ONECUT3: variants seen among roughly 807,000 people sequenced by gnomAD.
ONECUT3 encodes one cut homeobox 3.
In ONECUT3, 11 loss-of-function variants were observed where a neutral mutation model predicts 16.8. The observed-to-expected ratio is 0.66, with a 90% CI of 0.41 to 1.09. The LOEUF is 1.09. ONECUT3 is among the 50% of genes least tolerant of loss of function. The pLI is 0.00. For synonymous variants in ONECUT3, 344 were observed against 310.7 expected, an observed-to-expected ratio of 1.11 and a Z score of -1.13; for missense variants, 637 against 629.9, an observed-to-expected ratio of 1.01 and a Z score of -0.12.
chr19:1,775,039 T>G (rs567852279), intron 1 of ONECUT3, 114 bp from the exon 2 acceptor site: 1 of 637,018 alleles, frequency 1.6e-6, no homozygotes, highest in African/African-American at 1.9e-5. Context: ...CCCCAACGTG[T>G]CCCTTCTCCC....
At chr19:1,763,731 TG>T (rs1208522368) in intron 1 of ONECUT3, among the ~76,000 whole-genome samples, 3 of 117,836 alleles carry the variant, frequency 2.5e-5, no homozygotes, top group South Asian at 2.4e-4. Flanking sequence ...TTCCCTTTTT[TG>T]TTTTTTTTTT....
At chr19:1,770,781 T>C (rs2068047385) in intron 1 of ONECUT3, among the ~76,000 whole-genome samples, 1 of 152,172 alleles carries the variant, frequency 6.6e-6, no homozygotes, top group Admixed American at 6.5e-5. Flanking sequence ...TTTTTTGCAT[T>C]TCCTTCCATG....
At position 1,754,206 on chromosome 19, in the gene ONECUT3, G is replaced by C. The variant is rs1600336382; in HGVS notation, c.544G>C (p.Gly182Arg). ...RDERAALASVGHLYGPYGKEL... is the reference protein window; with the variant it reads ...RDERAALASVRHLYGPYGKEL... Reference sequence around the variant, plus strand: ...CGAGCGGGCGGCGCTCGCCTCCGTGGGCCACCTCTACGGACCCTACGGCAA... The same window carrying C: ...CGAGCGGGCGGCGCTCGCCTCCGTGCGCCACCTCTACGGACCCTACGGCAA... The change falls in exon 1 of 2, where the codon GGC becomes CGC. Residue 182 changes from glycine to arginine, a missense_variant. Coordinates refer to ENST00000382349, the MANE Select transcript of ONECUT3 (RefSeq NM_001080488.2). The surrounding 1 kb of genome is among the most constrained non-coding windows in gnomAD (Gnocchi z 7.4). The C allele has an allele frequency of 8.6e-7, 1 of 1,168,356 alleles. No homozygotes were observed. 72.4% of individuals were successfully genotyped at this position (1,168,356 alleles called of 1,614,324 possible).
At chr19:1,763,665 A>G (rs1280184711) in intron 1 of ONECUT3, among the ~76,000 whole-genome samples, 1 of 151,604 alleles carries the variant, frequency 6.6e-6, no homozygotes, top group Non-Finnish European at 1.5e-5. Context: ...TGCAAATCAC[A>G]GTCTGTATTT....
rs74534061 is a variant in ONECUT3, at chr19:1,755,697, C to G, written c.1192+843C>G. ...TATCTCTATGTTTTTCTCTTGCTCT[C>G]CGTTTTGCTCTTGTTCCTGCTCATT... is the stretch of plus-strand genomic sequence containing the variant. On this transcript the variant is annotated intron_variant, in intron 1 of 1. Coordinates refer to ENST00000382349, the MANE Select transcript of ONECUT3 (RefSeq NM_001080488.2). This position sits in a 1 kb window ranked among gnomAD's most constrained non-coding sequence, Gnocchi z 7.5. Among the ~76,000 whole-genome samples, 2 of 152,228 alleles carry G rather than the reference C, an allele frequency of 1.3e-5. No individual in the cohort carries two copies. Among genetic ancestry groups the G allele is most frequent in the Admixed American group, 6.5e-5 (1 of 15,288 alleles).
In ONECUT3 at chr19:1,775,570, G is replaced by GC. The variant is rs1568604064; in HGVS notation, c.*131dup. On this transcript the variant is annotated 3_prime_UTR_variant, in exon 2 of 2. Transcript: ENST00000382349. ...GGCACCTGGAGGGGGTGCTATCCGG[G>GC]CCCCCCACACCCGGGGAGGGGGAAG... The GC allele has an allele frequency of 1.0e-6, 1 of 961,508 alleles. No individual in the cohort carries two copies. Among genetic ancestry groups the GC allele is most frequent in the South Asian group, 1.9e-5 (1 of 52,566 alleles). The allele number at this position is 961,508 out of a possible 1,614,324, so 59.6% of individuals were successfully genotyped here.
chr19:1,774,014 G>A (rs1441580911), intron 1 of ONECUT3, among the ~76,000 whole-genome samples: 1 of 152,198 alleles, frequency 6.6e-6, no homozygotes, highest in African/African-American at 2.4e-5. Flanking sequence ...ATCTGTGCGG[G>A]CTGACCAAGA....
At position 1,758,505 on chromosome 19, in the gene ONECUT3, C is replaced by G. The variant is rs570761857; in HGVS notation, c.1192+3651C>G. ...AATCCCACCGCAGACCTCGGAGTCCCGGCCCCACTGCCCGTTCTGCGTGCC... is the reference window on the plus strand; with the variant it reads ...AATCCCACCGCAGACCTCGGAGTCCGGGCCCCACTGCCCGTTCTGCGTGCC... On this transcript the variant is annotated intron_variant, in intron 1 of 1. Transcript: ENST00000382349. The surrounding 1 kb of genome is among the most constrained non-coding windows in gnomAD (Gnocchi z 5.9). 1.3e-3 allele frequency among the ~76,000 whole-genome samples: 201 copies of G among 152,264 alleles called. 2 individuals are homozygous for G. The highest frequency in any genetic ancestry group is 2.1e-3 in the South Asian group (10 of 4,830).
intron 1 of ONECUT3, among the ~76,000 whole-genome samples, chr19:1,774,645 G>A (rs1177720342): frequency 6.6e-6 from 1 of 151,554 alleles, no homozygotes; most frequent in African/African-American, 2.4e-5. Flanking sequence ...ATCAATTTCT[G>A]TGGTCCTTTA....
rs1172138386 is a variant in ONECUT3 at position 1,755,572 on chromosome 19, G to A, written c.1192+718G>A. ...CCCGACCCGGCGCCCGCCCCGCGCA[G>A]TTTGGTCGTGGCTCGGGTGCGCGCG... On this transcript the variant is annotated intron_variant, in intron 1 of 1. Transcript: ENST00000382349. The surrounding 1 kb of genome is among the most constrained non-coding windows in gnomAD (Gnocchi z 7.5). Among the ~76,000 whole-genome samples, 2 of 151,854 alleles carry A rather than the reference G, an allele frequency of 1.3e-5. No individual in the cohort carries two copies. The highest frequency in any genetic ancestry group is 2.9e-5 in the Non-Finnish European group (2 of 67,900).
At chr19:1,774,833 C>T (rs1306622439) in intron 1 of ONECUT3, among the ~76,000 whole-genome samples, 4 of 151,532 alleles carry the variant, frequency 2.6e-5, no homozygotes, top group Non-Finnish European at 5.9e-5. Flanking sequence ...CTTTCCCTGC[C>T]TGTCCTCGCC....
At chr19:1,760,276 G>A (rs1440866543) in intron 1 of ONECUT3, among the ~76,000 whole-genome samples, 4 of 152,192 alleles carry the variant, frequency 2.6e-5, no homozygotes, top group Non-Finnish European at 4.4e-5. Context: ...CTCTGACCCC[G>A]CTGAGTCTGG....
intron 1 of ONECUT3, among the ~76,000 whole-genome samples, chr19:1,761,997 A>C (rs932311042): frequency 1.3e-5 from 2 of 152,146 alleles, no homozygotes; most frequent in Non-Finnish European, 2.9e-5. Context: ...TGCCCGGGTC[A>C]CAAGTGTAGA....
At chr19:1,774,594 C>G (rs1452311363) in intron 1 of ONECUT3, among the ~76,000 whole-genome samples, 2 of 152,056 alleles carry the variant, frequency 1.3e-5, no homozygotes, top group Non-Finnish European at 2.9e-5. Context: ...CCCAACACCC[C>G]CAGGTTGGGG....
rs1030960689 is a variant in ONECUT3, at chr19:1,778,019, C to CT, written c.*2577dup. 4.9e-5 allele frequency: 5 copies of CT among 102,974 alleles called. No homozygotes were observed. The highest frequency in any genetic ancestry group is 3.6e-4 in the Admixed American group (4 of 11,238). 6.4% of individuals were successfully genotyped at this position (102,974 alleles called of 1,614,324 possible). ...TCAAAAAAAAAAAAAAAAAAAAAAA[C>CT]TTTAGGTCCAAGAAGATGCACCCCA... On this transcript the variant is annotated 3_prime_UTR_variant, in exon 2 of 2. Transcript: ENST00000382349.
In ONECUT3 at chr19:1,777,631, C is replaced by T. The variant is rs1293022646; in HGVS notation, c.*2186C>T. 6.6e-6 allele frequency: 1 copy of T among 152,234 alleles called. No homozygotes were observed. Among genetic ancestry groups the T allele is most frequent in the Non-Finnish European group, 1.5e-5 (1 of 68,066 alleles). 9.4% of individuals were successfully genotyped at this position (152,234 alleles called of 1,614,324 possible). On this transcript the variant is annotated 3_prime_UTR_variant, in exon 2 of 2. Coordinates refer to ENST00000382349, the MANE Select transcript of ONECUT3 (RefSeq NM_001080488.2). The stretch of plus-strand genomic sequence containing the variant: ...GATGAACCTAGAGCTGTCCTGTCCA[C>T]TCCAGGCCGGACTGACGTAGCCTAT...
intron 1 of ONECUT3, among the ~76,000 whole-genome samples, chr19:1,772,672 A>T (rs953514879): frequency 6.8e-5 from 9 of 132,006 alleles, no homozygotes; most frequent in South Asian, 2.5e-4. Context: ...ATTTTCTGGG[A>T]TATCTGCTTT....
At chr19:1,775,122 G>T (rs1230236705) in intron 1 of ONECUT3, 31 bp from the exon 2 acceptor site, 1 of 1,165,892 alleles carries the variant, frequency 8.6e-7, no homozygotes. Context: ...GCTGTGTCCC[G>T]CTCGCCCGCC....
rs1448961552 is a variant in ONECUT3 at position 1,753,797 on chromosome 19, C to T, written c.135C>T (p.Gly45=). The T allele has an allele frequency of 1.0e-6, 1 of 968,670 alleles. No homozygotes were observed. The highest frequency in any genetic ancestry group is 1.8e-5 in the African/African-American group (1 of 56,134). 60.0% of individuals were successfully genotyped at this position (968,670 alleles called of 1,614,324 possible). A position where few individuals can be genotyped will look rare whatever the true frequency, so the allele number is the denominator to read the frequency against. ...HRGLVAPGRP[G]LVAGMASLLD... ...GCCTGGTGGCGCCCGGGCGCCCGGGCCTGGTGGCCGGCATGGCGAGCCTGC... is the reference window on the plus strand; with the variant it reads ...GCCTGGTGGCGCCCGGGCGCCCGGGTCTGGTGGCCGGCATGGCGAGCCTGC... The change falls in exon 1 of 2, where the codon GGC becomes GGT. Residue 45 remains glycine (G), a synonymous_variant. Transcript: ENST00000382349.
Sources: allele counts gnomAD v4.1 joint callset (sites outside exome capture counted in the v4.1 genomes callset), GRCh38; gene constraint gnomAD v4.1.1; non-coding constraint Gnocchi (gnomAD v3.1); transcripts MANE v1.5; gene names NCBI Gene and HGNC (gene_info 2026-07-23, HGNC 2026-07-21).